The following PANK2 variants were observed in gnomAD, a reference collection of about 807,000 sequenced individuals.
PANK2 encodes the protein pantothenate kinase 2, also known as pantothenate kinase 2, mitochondrial.
PANK2 carries 36 observed loss-of-function variants against 43.1 expected under a neutral mutation model. The observed-to-expected ratio is 0.84, with a 90% CI of 0.64 to 1.10. The LOEUF is 1.10. Ranked by LOEUF, PANK2 falls within the 50% of genes least tolerant of loss-of-function variation. The probability of loss-of-function intolerance (pLI) is 0.00; values close to 1 mark genes in which losing one functional copy is unlikely to be tolerated. For missense variants in PANK2, 576 were observed against 593.3 expected, an observed-to-expected ratio of 0.97 and a Z score of 0.30; for synonymous variants, 281 against 238.2, an observed-to-expected ratio of 1.18 and a Z score of -1.66.
chr20:3,914,643 A>G (rs2090530011), intron 4 of PANK2, among the ~76,000 whole-genome samples: 1 of 151,232 alleles, frequency 6.6e-6, no homozygotes, highest in Non-Finnish European at 1.5e-5. Context: ...TCTGTTGCCC[A>G]GGCTGGAGTG....
chr20:3,905,641 C>T (rs1448081659), intron 1 of PANK2, among the ~76,000 whole-genome samples: 1 of 151,984 alleles, frequency 6.6e-6, no homozygotes, highest in Non-Finnish European at 1.5e-5. Flanking sequence ...GCCACCACAC[C>T]CGGCCTGCTA....
chr20:3,929,759 T>C lies in PANK2; in HGVS notation c.*6465T>C, dbSNP rs3746665. 18,673 of 152,232 alleles carry C rather than the reference T, an allele frequency of 0.12. 1,470 individuals are homozygous for C. Among genetic ancestry groups the C allele is most frequent in the Non-Finnish European group, 0.18 (12,011 of 68,002 alleles). The allele number at this position is 152,232 out of a possible 1,614,324, so 9.4% of individuals were successfully genotyped here. On this transcript the variant is annotated 3_prime_UTR_variant, in exon 7 of 7. Coordinates refer to ENST00000610179, the MANE Select transcript of PANK2 (RefSeq NM_001386393.1). ...CATCCTGTCGCAGATAGAAAGTCAA[T>C]CAGAAAAATCTGGTTGTGCTCTTGG... is the stretch of plus-strand genomic sequence containing the variant.
intron 4 of PANK2, among the ~76,000 whole-genome samples, chr20:3,916,559 A>G (rs2090562983): frequency 6.6e-6 from 1 of 152,178 alleles, no homozygotes; most frequent in Admixed American, 6.5e-5. Context: ...TGGCCATCTG[A>G]GTGGAACAGC....
chr20:3,919,615 A>G (rs1269940516), intron 6 of PANK2, among the ~76,000 whole-genome samples: 1 of 152,208 alleles, frequency 6.6e-6, no homozygotes, highest in Non-Finnish European at 1.5e-5. Context: ...GCTCAACCTC[A>G]TAGCCTGTCT....
chr20:3,916,780 A>G lies in PANK2; in HGVS notation c.1083-147A>G, dbSNP rs2090566718. On this transcript the variant is annotated intron_variant, in intron 4 of 6. Coordinates refer to ENST00000610179, the MANE Select transcript of PANK2 (RefSeq NM_001386393.1). Reference sequence around the variant, plus strand: ...GTTTGAAGTTTGCATTTCTCTTTGAACAGATGCTCCATTGCAAAATAAAAG... The same window carrying G: ...GTTTGAAGTTTGCATTTCTCTTTGAGCAGATGCTCCATTGCAAAATAAAAG... The G allele has an allele frequency of 4.2e-6, 5 of 1,180,400 alleles. No homozygotes were observed. In the African/African-American group the frequency reaches 7.7e-5, roughly 18 times the overall value. The allele number at this position is 1,180,400 out of a possible 1,614,324, so 73.1% of individuals were successfully genotyped here. A position where few individuals can be genotyped will look rare whatever the true frequency, so the allele number is the denominator to read the frequency against.
At chr20:3,902,866 A>G (rs148180085) in intron 1 of PANK2, among the ~76,000 whole-genome samples, 2 of 151,644 alleles carry the variant, frequency 1.3e-5, no homozygotes, top group African/African-American at 4.8e-5. Flanking sequence ...TATTTTAGCA[A>G]TTGTTTTTTC....
Position 3,927,446 on chromosome 20 carries a change from C to T in PANK2, c.*4152C>T, listed in dbSNP as rs2090739705. On this transcript the variant is annotated 3_prime_UTR_variant, in exon 7 of 7. Transcript: ENST00000610179. ...CAAAAATATAGCTTACAAAAAACTG[C>T]GAATGTTTAAAAATATTCTGCTGCA... 1 of 151,994 alleles carries T rather than the reference C, an allele frequency of 6.6e-6. No homozygotes were observed. Among genetic ancestry groups the T allele is most frequent in the Non-Finnish European group, 1.5e-5 (1 of 68,008 alleles). 9.4% of individuals were successfully genotyped at this position (151,994 alleles called of 1,614,324 possible).
chr20:3,899,703 C>CTTTTT (rs11469308), intron 1 of PANK2, among the ~76,000 whole-genome samples: 3 of 89,024 alleles, frequency 3.4e-5, no homozygotes, highest in Non-Finnish European at 4.4e-5. Flanking sequence ...ATCAGTTGTA[C>CTTTTT]TTTTTTTTTT....
intron 1 of PANK2, among the ~76,000 whole-genome samples, chr20:3,900,025 A>C (rs1600510452): frequency 6.6e-6 from 1 of 150,530 alleles, no homozygotes; most frequent in African/African-American, 2.4e-5. Context: ...CTTTTTATGC[A>C]CATGAGAGAG....
At chr20:3,906,710 C>A (rs909642244) in intron 1 of PANK2, among the ~76,000 whole-genome samples, 1 of 152,108 alleles carries the variant, frequency 6.6e-6, no homozygotes, top group Non-Finnish European at 1.5e-5. Flanking sequence ...GCTTATTGCA[C>A]CATTGTAAAT....
chr20:3,917,972 G>T (rs2090588888), intron 5 of PANK2, among the ~76,000 whole-genome samples: 1 of 152,144 alleles, frequency 6.6e-6, no homozygotes, highest in Admixed American at 6.6e-5. Context: ...AACAGAGCTT[G>T]GCATTTGGTT....
chr20:3,920,719 C>A (rs1435437065), intron 6 of PANK2, among the ~76,000 whole-genome samples: 1 of 151,886 alleles, frequency 6.6e-6, no homozygotes, highest in Non-Finnish European at 1.5e-5. Flanking sequence ...GTGGCACATA[C>A]CTGTAATCCC....
Position 3,912,516 on chromosome 20 carries a change from G to A in PANK2, c.964G>A (p.Glu322Lys), listed in dbSNP as rs80161911. Residue 322 changes from glutamate (E) to lysine (K), a missense_variant, in exon 4 of 7, where the codon GAA becomes AAA. By Grantham distance (56) the Glu-to-Lys change is moderately conservative. Transcript: ENST00000610179. ...TCTTCTTACTGGCTGTACCACTTTT[G>A]AAGAAGCTCTTGAAATGGCATCTCG... The A allele has an allele frequency of 6.2e-7, 1 of 1,614,076 alleles. No individual in the cohort carries two copies.
At chr20:3,900,815 C>G (rs868338798) in intron 1 of PANK2, among the ~76,000 whole-genome samples, 1 of 151,970 alleles carries the variant, frequency 6.6e-6, no homozygotes, top group Middle Eastern at 3.4e-3. Context: ...GTCGCCTAGG[C>G]TGGAATGCAG....
chr20:3,906,652 TA>T (rs1283573773), intron 1 of PANK2, among the ~76,000 whole-genome samples: 2 of 151,842 alleles, frequency 1.3e-5, no homozygotes, highest in East Asian at 3.9e-4. Flanking sequence ...AATACTGTAC[TA>T]AAAATAAAAA....
chr20:3,906,176 G>C (rs1033488903), intron 1 of PANK2, among the ~76,000 whole-genome samples: 1 of 151,842 alleles, frequency 6.6e-6, no homozygotes, highest in East Asian at 1.9e-4. Flanking sequence ...TGTAATCCCA[G>C]CACTTTGGGA....
At chr20:3,899,742 CT>C (rs1365006387) in intron 1 of PANK2, among the ~76,000 whole-genome samples, 4 of 127,578 alleles carry the variant, frequency 3.1e-5, no homozygotes, top group African/African-American at 1.2e-4. Flanking sequence ...GAGTCTCGCT[CT>C]GTTGCCCAGG....
chr20:3,893,721 A>G (rs1242955890), intron 1 of PANK2, among the ~76,000 whole-genome samples: 1 of 151,918 alleles, frequency 6.6e-6, no homozygotes, highest in Non-Finnish European at 1.5e-5. Flanking sequence ...AAAATGGATC[A>G]TTTTTTCTTG....
At chr20:3,907,834 A>G (rs2090410995) in intron 1 of PANK2, 92 bp from the exon 2 acceptor site, 2 of 1,094,742 alleles carry the variant, frequency 1.8e-6, no homozygotes, top group African/African-American at 1.6e-5. Flanking sequence ...TTCTTTGGAA[A>G]CCCTAGCGTT....
Sources: gnomAD v4.1 joint callset for allele counts (sites outside exome capture counted in the v4.1 genomes callset) on GRCh38, gnomAD v4.1.1 for gene constraint, MANE v1.5 for transcripts, NCBI Gene and HGNC (gene_info 2026-07-23, HGNC 2026-07-21) for gene names.